The following SCMH1 variants were observed in gnomAD, a reference collection of about 807,000 sequenced individuals.
SCMH1 encodes the protein Scm polycomb group protein homolog 1.
A neutral mutation model predicts 70.8 loss-of-function variants in SCMH1; 37 were observed. The observed-to-expected ratio is 0.52, with a 90% CI of 0.40 to 0.69. The LOEUF is 0.69. Among genes scored for constraint, SCMH1 ranks in the 30% least tolerant of loss-of-function variants. The pLI, the probability that SCMH1 is intolerant of heterozygous loss-of-function variation, is 0.00. For missense variants in SCMH1, 607 were observed against 827.3 expected, an observed-to-expected ratio of 0.73 and a Z score of 3.27; for synonymous variants, 292 against 307.4, an observed-to-expected ratio of 0.95 and a Z score of 0.52.
Position 41,211,343 on chromosome 1 carries a change from A to G in SCMH1, c.-117-25093T>C, listed in dbSNP as rs1263425316. Among the ~76,000 whole-genome samples the G allele has an allele frequency of 3.3e-5, 5 of 152,228 alleles. No homozygotes were observed. The South Asian group carries it at 8.3e-4, about 25-fold the overall frequency. On this transcript the variant is annotated intron_variant, in intron 1 of 14. Coordinates refer to ENST00000337495, the Ensembl canonical transcript of SCMH1. ...AAGAAAAAAACAAACAACCCCATCA[A>G]AAAGTGGGCAAAGGATATGAATACA... is the stretch of plus-strand genomic sequence containing the variant.
chr1:41,192,683 T>C (rs1054756625), intron 1 of SCMH1, among the ~76,000 whole-genome samples: 3 of 152,224 alleles, frequency 2.0e-5, no homozygotes, highest in African/African-American at 7.2e-5. Context: ...ATTAGATTTG[T>C]GTTCCCTCTT....
intron 1 of SCMH1, among the ~76,000 whole-genome samples, chr1:41,210,569 C>G (rs192164608): frequency 2.3e-3 from 349 of 152,260 alleles, no homozygotes; most frequent in African/African-American, 7.8e-3. Context: ...CTACAACCAT[C>G]TGATCTTTTG....
intron 5 of SCMH1, among the ~76,000 whole-genome samples, chr1:41,149,965 C>T (rs1265224642): frequency 6.6e-6 from 1 of 152,174 alleles, no homozygotes; most frequent in Non-Finnish European, 1.5e-5. Flanking sequence ...TTGTGTGCAG[C>T]TTTCTCCTCC....
In SCMH1 at chr1:41,178,441, G is replaced by A. The variant is rs148097234; in HGVS notation, c.13+7680C>T. Reference sequence around the variant, plus strand: ...ATGCTCCAAGTAAAAGACACAGACTGGCAAATTGGATAGTCAAGACCCATC... The same window carrying A: ...ATGCTCCAAGTAAAAGACACAGACTAGCAAATTGGATAGTCAAGACCCATC... On this transcript the variant is annotated intron_variant, in intron 2 of 14. Transcript: ENST00000337495. Among the ~76,000 whole-genome samples, 1,106 of 152,248 alleles carry A rather than the reference G, an allele frequency of 7.3e-3. 17 individuals are homozygous for A. Among genetic ancestry groups the A allele is most frequent in the African/African-American group, 0.025 (1,046 of 41,520 alleles).
At chr1:41,206,450 T>C (rs1444035296) in intron 1 of SCMH1, among the ~76,000 whole-genome samples, 1 of 152,236 alleles carries the variant, frequency 6.6e-6, no homozygotes, top group Non-Finnish European at 1.5e-5. Flanking sequence ...ATATCAGTGA[T>C]TGAAGATCAA....
chr1:41,048,834 C>T, exon 11 of SCMH1: 2 of 1,614,170 alleles, frequency 1.2e-6, no homozygotes, highest in Non-Finnish European at 8.5e-7. Flanking sequence ...AGTTGCTGGA[C>T]CTTCTTCTTA....
At chr1:41,071,205 T>C (rs1432080709) in intron 9 of SCMH1, among the ~76,000 whole-genome samples, 1 of 152,210 alleles carries the variant, frequency 6.6e-6, no homozygotes, top group Non-Finnish European at 1.5e-5. Flanking sequence ...TCTCCTATTC[T>C]ACTAAATCTC....
At chr1:41,051,842 A>G (rs1036594765) in intron 10 of SCMH1, among the ~76,000 whole-genome samples, 2 of 152,192 alleles carry the variant, frequency 1.3e-5, no homozygotes, top group African/African-American at 4.8e-5. Context: ...AAATTAAAAA[A>G]AAATTTAGTG....
At chr1:41,194,151 T>C (rs989792482) in intron 1 of SCMH1, among the ~76,000 whole-genome samples, 4 of 152,190 alleles carry the variant, frequency 2.6e-5, no homozygotes, top group African/African-American at 7.2e-5. Context: ...TACTTTTAAG[T>C]AGTGTAGTTT....
chr1:41,140,215 G>T (rs1389114050), intron 6 of SCMH1, among the ~76,000 whole-genome samples: 1 of 152,034 alleles, frequency 6.6e-6, no homozygotes, highest in African/African-American at 2.4e-5. Context: ...ATTTAAGGTA[G>T]CAGAGATGAA....
intron 1 of SCMH1, among the ~76,000 whole-genome samples, chr1:41,211,158 A>G (rs1218322873): frequency 3.3e-5 from 5 of 152,154 alleles, no homozygotes; most frequent in African/African-American, 1.2e-4. Context: ...AAGCCAAAAT[A>G]GACAAATGGG....
At chr1:41,075,297 G>C in exon 9 of SCMH1, 2 of 1,614,160 alleles carry the variant, frequency 1.2e-6, no homozygotes, top group South Asian at 2.2e-5. Context: ...AGATGGGATG[G>C]GAAATTAGGG....
chr1:41,121,078 G>A (rs1429818479), intron 6 of SCMH1, among the ~76,000 whole-genome samples: 5 of 152,110 alleles, frequency 3.3e-5, no homozygotes, highest in African/African-American at 9.7e-5. Flanking sequence ...ATAACTTTTG[G>A]AAAATTACAA....
intron 6 of SCMH1, among the ~76,000 whole-genome samples, chr1:41,138,717 T>C (rs1450844922): frequency 6.6e-6 from 1 of 152,188 alleles, no homozygotes; most frequent in East Asian, 1.9e-4. Flanking sequence ...TTCAAGGTAT[T>C]TTTTTCATAT....
intron 1 of SCMH1, among the ~76,000 whole-genome samples, chr1:41,227,612 G>A (rs1369560537): frequency 6.6e-6 from 1 of 152,196 alleles, no homozygotes; most frequent in Non-Finnish European, 1.5e-5. Flanking sequence ...AGGGAGGAAT[G>A]TATGCCATGG....
intron 8 of SCMH1, among the ~76,000 whole-genome samples, chr1:41,102,391 G>A (rs1666851862): frequency 6.6e-6 from 1 of 152,160 alleles, no homozygotes; most frequent in Admixed American, 6.5e-5. Context: ...CTGCCAGCTG[G>A]GCTGATGCCA....
At chr1:41,196,112 A>G (rs759575435) in intron 1 of SCMH1, among the ~76,000 whole-genome samples, 13 of 152,304 alleles carry the variant, frequency 8.5e-5, no homozygotes, top group Admixed American at 6.5e-4. Context: ...ATGGACTGAA[A>G]GACTAATATT....
At chr1:41,129,298 T>C (rs539591668) in intron 6 of SCMH1, among the ~76,000 whole-genome samples, 106 of 152,264 alleles carry the variant, frequency 7.0e-4, no homozygotes, top group South Asian at 1.7e-3. Context: ...CCACCATCCA[T>C]CTCCAGGACA....
chr1:41,074,505 G>C (rs1384355141), intron 9 of SCMH1, among the ~76,000 whole-genome samples: 1 of 151,654 alleles, frequency 6.6e-6, no homozygotes, highest in Non-Finnish European at 1.5e-5. Flanking sequence ...AAGAGGTAGA[G>C]ATAGCAAAAT....
Sources: gnomAD v4.1 joint callset for allele counts (sites outside exome capture counted in the v4.1 genomes callset) on GRCh38, gnomAD v4.1.1 for gene constraint, MANE v1.5 for transcripts, NCBI Gene and HGNC (gene_info 2026-07-23, HGNC 2026-07-21) for gene names.